The following LRRC56 variants were observed in gnomAD, a reference collection of about 807,000 sequenced individuals.
The protein encoded by LRRC56 is leucine-rich repeat-containing protein 56.
Under a neutral mutation model 47.8 loss-of-function variants are expected in LRRC56, and 41 were observed. That is an observed-to-expected ratio of 0.86 (90% CI 0.67 to 1.11). LRRC56 has a LOEUF of 1.11. Among genes scored for constraint, LRRC56 ranks in the 50% most tolerant of loss-of-function variants. The pLI, the probability that LRRC56 is intolerant of heterozygous loss-of-function variation, is 0.00. For missense variants in LRRC56, 759 were observed against 704.2 expected (o/e 1.08, Z -0.88); for synonymous variants, 387 against 311.2 (o/e 1.24, Z -2.56).
chr11:532,847 C>T, upstream of LRRC56: 6 of 1,244,270 alleles, frequency 4.8e-6, no homozygotes, highest in South Asian at 6.1e-5. Context: ...CCTTGCCTGG[C>T]CCGAAGCTCC....
intron 6 of LRRC56, among the ~76,000 whole-genome samples, chr11:548,178 G>A (rs769855096): frequency 2.0e-5 from 3 of 152,052 alleles, no homozygotes; most frequent in Non-Finnish European, 4.4e-5. Flanking sequence ...ATAAAAGACT[G>A]AAAGGAAAAA....
At chr11:513,828 A>C in the LRRC56 span, among the ~76,000 whole-genome samples, 1 of 151,592 alleles carries the variant, frequency 6.6e-6, no homozygotes, top group Admixed American at 6.6e-5. Context: ...CTCAAAAAAA[A>C]AAAAAAAAAG....
At chr11:539,038 A>G (rs1851653131) in intron 2 of LRRC56, among the ~76,000 whole-genome samples, 178 bp downstream of exon 2, 1 of 152,120 alleles carries the variant, frequency 6.6e-6, no homozygotes, top group South Asian at 2.1e-4. Flanking sequence ...CCTGGAGCTC[A>G]TGATTCCAGG....
chr11:549,008 A>C (rs1233663015), intron 6 of LRRC56, among the ~76,000 whole-genome samples: 1 of 152,188 alleles, frequency 6.6e-6, no homozygotes, highest in Non-Finnish European at 1.5e-5. Flanking sequence ...TGGAAAAGCC[A>C]TTGAAGGCAG....
the LRRC56 span, among the ~76,000 whole-genome samples, chr11:525,518 G>T: frequency 6.6e-6 from 1 of 151,466 alleles, no homozygotes; most frequent in African/African-American, 2.4e-5. Flanking sequence ...CAGCCTGGGT[G>T]ACAGAGGTGA....
chr11:532,478 T>TGCACCTCCTTCCTGCATCCG, the LRRC56 span: 4 of 988,426 alleles, frequency 4.0e-6, no homozygotes, highest in African/African-American at 4.8e-5. Context: ...TCCTTCCGTC[T>TGCACCTCCTTCCTGCATCCG]GCACCTCCTT....
chr11:535,461 C>CCAGGG (rs1564791837), upstream of LRRC56: 40 of 147,204 alleles, frequency 2.7e-4, no homozygotes, highest in Middle Eastern at 3.2e-3. Context: ...GGGGCCGAGG[C>CCAGGG]CGGGGCGGGG....
chr11:552,678 T>A lies in LRRC56; in HGVS notation c.1291T>A (p.Ser431Thr), dbSNP rs149919024. The A allele has an allele frequency of 2.2e-3, 3,583 of 1,608,948 alleles. 4 individuals carry two copies. Among genetic ancestry groups the A allele is most frequent in the Non-Finnish European group, 2.6e-3 (3,087 of 1,177,834 alleles). Residue 431 changes from serine (S) to threonine (T), a missense_variant, in exon 13 of 14, where the codon TCC becomes ACC. Ser to Thr is a moderately conservative substitution (Grantham distance 58). Coordinates refer to ENST00000270115, the MANE Select transcript of LRRC56 (RefSeq NM_198075.4). ...QVHQAEPKTP[S>T]SPPSLASEPS... ...GCACCAGGCAGAGCCCAAGACTCCCTCCAGCCCCCCAAGCCTGGCCTCAGG... is the reference window on the plus strand; with the variant it reads ...GCACCAGGCAGAGCCCAAGACTCCCACCAGCCCCCCAAGCCTGGCCTCAGG...
At chr11:513,092 C>G in the LRRC56 span, among the ~76,000 whole-genome samples, 4 of 152,230 alleles carry the variant, frequency 2.6e-5, no homozygotes, top group Non-Finnish European at 5.9e-5. Flanking sequence ...CAGCACACCC[C>G]GCCTGCAGGG....
intron 6 of LRRC56, among the ~76,000 whole-genome samples, chr11:546,068 C>T (rs891341465): frequency 1.7e-4 from 25 of 150,556 alleles, no homozygotes; most frequent in East Asian, 9.9e-4. Flanking sequence ...GTCAGGAGTT[C>T]GAGACCAGCC....
upstream of LRRC56, among the ~76,000 whole-genome samples, chr11:535,996 G>A (rs1851474695): frequency 6.6e-6 from 1 of 152,202 alleles, no homozygotes; most frequent in Non-Finnish European, 1.5e-5. Flanking sequence ...GGATCCGCCG[G>A]GACCAAGGCG....
upstream of LRRC56, chr11:534,039 G>T: frequency 2.2e-6 from 3 of 1,380,298 alleles, no homozygotes; most frequent in East Asian, 2.3e-5. Context: ...TGCCCCTCAT[G>T]CCCCCTCCTC....
At chr11:550,401 A>G in intron 8 of LRRC56, 129 bp downstream of exon 8, 1 of 849,740 alleles carries the variant, frequency 1.2e-6, no homozygotes, top group Non-Finnish European at 1.8e-6. Context: ...GCTCACCATG[A>G]GTTCACCTCC....
the LRRC56 span, among the ~76,000 whole-genome samples, chr11:512,934 T>A: frequency 6.6e-6 from 1 of 152,106 alleles, no homozygotes; most frequent in Non-Finnish European, 1.5e-5. Context: ...ACTACCCCTT[T>A]CCATGGCAAT....
At position 552,517 on chromosome 11, in the gene LRRC56, CTGTCCCG is replaced by C. The variant is rs1366658699; in HGVS notation, c.1182-49_1182-43del. The C allele has an allele frequency of 4.7e-6, 7 of 1,497,046 alleles. No homozygotes were observed. The Admixed American group carries it at 1.1e-4, about 24-fold the overall frequency. 92.7% of individuals were successfully genotyped at this position (1,497,046 alleles called of 1,614,324 possible). On this transcript the variant is annotated intron_variant, in intron 12 of 13. Coordinates refer to ENST00000270115, the MANE Select transcript of LRRC56 (RefSeq NM_198075.4). ...GGCTCATGGACCATCCCTATGTGTC[CTGTCCCG>C]TGGGGGGATCAGGGCTGGAGCTTCT...
At chr11:539,231 C>T (rs2134015872) in intron 2 of LRRC56, among the ~76,000 whole-genome samples, 1 of 152,208 alleles carries the variant, frequency 6.6e-6, no homozygotes, top group East Asian at 1.9e-4. Context: ...CAGGCGTCCG[C>T]CACCACGCCT....
At chr11:511,320 CAA>C in the LRRC56 span, among the ~76,000 whole-genome samples, 20 of 78,470 alleles carry the variant, frequency 2.5e-4, no homozygotes, top group Non-Finnish European at 1.3e-4. Context: ...GACTCCGTCT[CAA>C]AAAAAAAAAA....
At chr11:542,581 A>AAG (rs1491513037) in intron 5 of LRRC56, among the ~76,000 whole-genome samples, 1 of 88,316 alleles carries the variant, frequency 1.1e-5, no homozygotes, top group Non-Finnish European at 2.6e-5. Flanking sequence ...ACCCTGTCGC[A>AAG]AAAAAAAAAA....
the LRRC56 span, among the ~76,000 whole-genome samples, chr11:524,067 T>G: frequency 6.6e-6 from 1 of 152,184 alleles, no homozygotes; most frequent in Non-Finnish European, 1.5e-5. Flanking sequence ...CGGTAATTGA[T>G]CTATGGATTC....
Sources: gnomAD v4.1 joint callset for allele counts (sites outside exome capture counted in the v4.1 genomes callset) on GRCh38, gnomAD v4.1.1 for gene constraint, MANE v1.5 for transcripts, NCBI Gene and HGNC (gene_info 2026-07-23, HGNC 2026-07-21) for gene names.